Variants in FAM227B observed in about 807,000 individuals in gnomAD.
FAM227B encodes protein FAM227B.
FAM227B carries 88 observed loss-of-function variants against 73.8 expected under a neutral mutation model. The observed-to-expected ratio is 1.19, with a 90% confidence interval of 1.00 to 1.42. FAM227B has a LOEUF of 1.42. Among genes scored for constraint, FAM227B ranks in the 40% most tolerant of loss-of-function variants. The pLI, the probability that FAM227B is intolerant of heterozygous loss-of-function variation, is 0.00. For missense variants in FAM227B, 632 were observed against 590.9 expected (o/e 1.07, Z -0.72); for synonymous variants, 210 against 190.5 (o/e 1.10, Z -0.84).
In FAM227B at chr15:49,337,508, C is replaced by CTTTTT. The variant is rs33973907; in HGVS notation, c.1272-2017_1272-2013dup. Reference sequence around the variant, plus strand: ...AATGTCTGTTCATATCATTTACCCACTTTTTTTTTTTTTTTTTTTTTTTTT... The same window carrying CTTTTT: ...AATGTCTGTTCATATCATTTACCCACTTTTTTTTTTTTTTTTTTTTTTTTTTTTTT... On this transcript the variant is annotated intron_variant, in intron 13 of 15. Coordinates refer to ENST00000299338, the MANE Select transcript of FAM227B (RefSeq NM_152647.3). Among the ~76,000 whole-genome samples the CTTTTT allele has an allele frequency of 3.0e-4, 11 of 36,084 alleles. 3 individuals are homozygous for CTTTTT. Among genetic ancestry groups the CTTTTT allele is most frequent in the African/African-American group, 1.2e-3 (10 of 8,142 alleles). The allele number at this position is 36,084 out of a possible 152,430, so 23.7% of individuals were successfully genotyped here. A position where few individuals can be genotyped will look rare whatever the true frequency, so the allele number is the denominator to read the frequency against.
At chr15:49,525,641 A>T (rs1597885108) in intron 10 of FAM227B, among the ~76,000 whole-genome samples, 1 of 125,820 alleles carries the variant, frequency 7.9e-6, no homozygotes, top group Non-Finnish European at 1.8e-5. Flanking sequence ...AGATACCTAG[A>T]GACTCAAAGT....
chr15:49,329,818 A>G, intron 15 of FAM227B: 1 of 908,988 alleles, frequency 1.1e-6, no homozygotes, highest in Non-Finnish European at 1.3e-6. Flanking sequence ...AAAAAAAAAA[A>G]AAAAAGGCAC....
intron 10 of FAM227B, among the ~76,000 whole-genome samples, chr15:49,523,078 AG>A (rs1429179166): frequency 6.6e-6 from 1 of 152,210 alleles, no homozygotes; most frequent in Non-Finnish European, 1.5e-5. Context: ...GCAGATGTAG[AG>A]AAGTAGCAAA....
intron 2 of FAM227B, among the ~76,000 whole-genome samples, chr15:49,613,109 G>C (rs1253100804): frequency 6.6e-6 from 1 of 152,164 alleles, no homozygotes; most frequent in African/African-American, 2.4e-5. Context: ...AGCACACTTT[G>C]GGAGGCCAAG....
At chr15:49,520,056 A>G (rs1460051212) in intron 10 of FAM227B, among the ~76,000 whole-genome samples, 1 of 152,188 alleles carries the variant, frequency 6.6e-6, no homozygotes, top group Non-Finnish European at 1.5e-5. Context: ...GATACTCTAA[A>G]TCATCTCTCT....
intron 3 of FAM227B, 56 bp from the exon 4 acceptor site, chr15:49,590,063 T>C (rs2076432627): frequency 1.1e-6 from 1 of 914,538 alleles, no homozygotes; most frequent in African/African-American, 1.7e-5. Flanking sequence ...TGAATTTAAA[T>C]AATAGAGTTC....
intron 11 of FAM227B, among the ~76,000 whole-genome samples, chr15:49,379,009 T>C (rs2046349007): frequency 6.6e-6 from 1 of 152,176 alleles, no homozygotes; most frequent in South Asian, 2.1e-4. Context: ...CTTGAAGGGA[T>C]GTTAAACTTT....
Position 49,328,608 on chromosome 15 carries a change from G to A in FAM227B, c.1487C>T (p.Ser496Leu), listed in dbSNP as rs1478116306. Residue 496 changes from serine (S) to leucine (L), a missense_variant, in exon 16 of 16, where the codon TCA becomes TTA. By Grantham distance (145) the Ser-to-Leu change is moderately radical. Transcript: ENST00000299338. ...CTCAAAGTTGTAGTTGTCTGTTGAT[G>A]ATGGTGATGATGATGATGATGACGA... ...SLSSSSSSSP[S>L]STDNYNFEEE... 2 of 1,592,022 alleles carry A rather than the reference G, an allele frequency of 1.3e-6. No homozygotes were observed.
intron 13 of FAM227B, among the ~76,000 whole-genome samples, chr15:49,362,824 G>A (rs2044482167): frequency 6.6e-6 from 1 of 152,070 alleles, no homozygotes. Context: ...AAGGGGTCCA[G>A]TTTCAATCTT....
intron 11 of FAM227B, among the ~76,000 whole-genome samples, chr15:49,404,700 CT>C (rs1042095784): frequency 2.6e-5 from 4 of 151,868 alleles, no homozygotes; most frequent in African/African-American, 7.2e-5. Context: ...ACCAATGGGT[CT>C]TGGTTCTTTA....
At chr15:49,570,800 C>A (rs2075040239) in intron 8 of FAM227B, among the ~76,000 whole-genome samples, 1 of 147,198 alleles carries the variant, frequency 6.8e-6, no homozygotes, top group African/African-American at 2.5e-5. Context: ...GGATATCCTT[C>A]TTTTTAAAGG....
At chr15:49,617,630 A>T (rs983143530) in intron 1 of FAM227B, among the ~76,000 whole-genome samples, 2 of 152,128 alleles carry the variant, frequency 1.3e-5, no homozygotes, top group Non-Finnish European at 2.9e-5. Flanking sequence ...AAGATACTAA[A>T]AAAAAATTCA....
intron 10 of FAM227B, among the ~76,000 whole-genome samples, chr15:49,518,130 T>C (rs2059509727): frequency 1.3e-5 from 2 of 152,192 alleles, no homozygotes; most frequent in Non-Finnish European, 2.9e-5. Context: ...AATGTGCACA[T>C]TTCTATAGGG....
At chr15:49,569,432 G>C (rs1285244567) in intron 8 of FAM227B, among the ~76,000 whole-genome samples, 4 of 151,336 alleles carry the variant, frequency 2.6e-5, no homozygotes. Flanking sequence ...TCTGTTTCCG[G>C]TTACTTAATG....
chr15:49,618,916 G>A (rs1329733604), intron 1 of FAM227B, among the ~76,000 whole-genome samples: 1 of 152,178 alleles, frequency 6.6e-6, no homozygotes, highest in African/African-American at 2.4e-5. Flanking sequence ...ACCAATATGT[G>A]TGTGTTTCTC....
chr15:49,568,166 G>A (rs2074806956), intron 9 of FAM227B, 79 bp downstream of exon 9: 5 of 1,212,826 alleles, frequency 4.1e-6, no homozygotes, highest in Non-Finnish European at 5.8e-6. Flanking sequence ...ATTCTCATAT[G>A]GGTTTAAATA....
intron 13 of FAM227B, among the ~76,000 whole-genome samples, chr15:49,342,031 A>T (rs2040814562): frequency 6.6e-6 from 1 of 152,160 alleles, no homozygotes; most frequent in Non-Finnish European, 1.5e-5. Context: ...AGTATTTTGT[A>T]GGTATCTCTT....
At chr15:49,462,567 C>G (rs998449715) in intron 11 of FAM227B, among the ~76,000 whole-genome samples, 7 of 152,182 alleles carry the variant, frequency 4.6e-5, no homozygotes, top group African/African-American at 1.7e-4. Context: ...GCATGATCCA[C>G]TTTCGTTGGC....
chr15:49,413,027 A>G (rs2048970654), intron 11 of FAM227B, among the ~76,000 whole-genome samples: 1 of 152,122 alleles, frequency 6.6e-6, no homozygotes, highest in African/African-American at 2.4e-5. Context: ...AGCAAATGAC[A>G]TCACCATTTA....
Sources: allele counts gnomAD v4.1 joint callset (sites outside exome capture counted in the v4.1 genomes callset), GRCh38; gene constraint gnomAD v4.1.1; transcripts MANE v1.5; gene names NCBI Gene and HGNC (gene_info 2026-07-23, HGNC 2026-07-21).